The following KLHL20 variants were observed in gnomAD, a reference collection of about 807,000 sequenced individuals.
The protein encoded by KLHL20 is kelch like family member 20.
KLHL20 carries 29 observed loss-of-function variants against 69.5 expected under a neutral mutation model. The observed-to-expected ratio is 0.42, with a 90% CI of 0.31 to 0.57. KLHL20 has a LOEUF of 0.57. Ranked by LOEUF, KLHL20 falls within the 20% of genes least tolerant of loss-of-function variation. KLHL20 has a pLI of 0.18. For synonymous variants in KLHL20, 253 were observed against 265.2 expected, an observed-to-expected ratio of 0.95 and a Z score of 0.45; for missense variants, 419 against 776.0, an observed-to-expected ratio of 0.54 and a Z score of 5.47.
chr1:173,763,646 C>G (rs1485431262), intron 7 of KLHL20, among the ~76,000 whole-genome samples: 2 of 152,144 alleles, frequency 1.3e-5, no homozygotes, highest in Non-Finnish European at 1.5e-5. Context: ...CAAGAACACT[C>G]TTTTCAACAA....
intron 3 of KLHL20, among the ~76,000 whole-genome samples, chr1:173,743,476 C>T (rs1178524705): frequency 1.3e-5 from 2 of 151,516 alleles, no homozygotes; most frequent in African/African-American, 2.4e-5. Flanking sequence ...TTCCTTTACT[C>T]CTTTACTTTC....
intron 3 of KLHL20, among the ~76,000 whole-genome samples, chr1:173,749,372 A>G (rs985894852): frequency 4.6e-5 from 7 of 152,216 alleles, no homozygotes; most frequent in Admixed American, 2.6e-4. Context: ...TGAAGAAACT[A>G]AAAGTAAACT....
chr1:173,771,120 C>A (rs1441187642), intron 8 of KLHL20, among the ~76,000 whole-genome samples: 1 of 152,108 alleles, frequency 6.6e-6, no homozygotes, highest in Non-Finnish European at 1.5e-5. Flanking sequence ...GGATTTTATA[C>A]CTTGAGAAAC....
chr1:173,755,992 G>A lies in KLHL20; in HGVS notation c.921G>A (p.Arg307=), dbSNP rs753528569. Reference sequence around the variant, plus strand: ...AACGACCACTAATGCAAGGACCAAGGACGAGACCACGGAAACCTATCCGAT... The same window carrying A: ...AACGACCACTAATGCAAGGACCAAGAACGAGACCACGGAAACCTATCCGAT... ...PQERPLMQGP[R]TRPRKPIRCG... The change falls in exon 6 of 12, where the codon AGG becomes AGA. Residue 307 remains arginine (R), a synonymous_variant. Coordinates refer to ENST00000209884, the MANE Select transcript of KLHL20 (RefSeq NM_014458.4). 3.7e-6 allele frequency: 6 copies of A among 1,614,048 alleles called. No homozygotes were observed. The highest frequency in any genetic ancestry group is 5.1e-6 in the Non-Finnish European group (6 of 1,179,980).
At chr1:173,725,157 G>GA (rs1382506344) in intron 2 of KLHL20, among the ~76,000 whole-genome samples, 1 of 151,798 alleles carries the variant, frequency 6.6e-6, no homozygotes, top group Non-Finnish European at 1.5e-5. Context: ...TAATACATAA[G>GA]AAAAAACAAA....
intron 3 of KLHL20, among the ~76,000 whole-genome samples, chr1:173,743,245 A>G (rs1032483106): frequency 2.6e-5 from 4 of 151,982 alleles, no homozygotes; most frequent in Non-Finnish European, 5.9e-5. Context: ...GAAAAATACT[A>G]TTTAAACTTT....
chr1:173,757,171 C>T lies in KLHL20; in HGVS notation c.1151+12C>T. 2 of 1,588,414 alleles carry T rather than the reference C, an allele frequency of 1.3e-6. No homozygotes were observed. Among genetic ancestry groups the T allele is most frequent in the Non-Finnish European group, 8.6e-7 (1 of 1,163,368 alleles). ...AATAGTGTTGAAAGGTGAGTAAGGT[C>T]AATCTGTAATTTTCTCTCTACTATT... On this transcript the variant is annotated intron_variant, in intron 7 of 11. Transcript: ENST00000209884.
At chr1:173,748,286 A>G (rs1673160520) in intron 3 of KLHL20, among the ~76,000 whole-genome samples, 1 of 152,126 alleles carries the variant, frequency 6.6e-6, no homozygotes, top group African/African-American at 2.4e-5. Flanking sequence ...GAAGTTACCA[A>G]CTCATTTTAT....
At chr1:173,782,341 A>G (rs1417389769) in intron 11 of KLHL20, 111 bp downstream of exon 11, 1 of 661,138 alleles carries the variant, frequency 1.5e-6, no homozygotes, top group Non-Finnish European at 2.6e-6. Context: ...GAGTACTTTG[A>G]AGAGGGCTGA....
In KLHL20 at chr1:173,755,962, G is replaced by A. The variant is rs16846395; in HGVS notation, c.891G>A (p.Pro297=). The change falls in exon 6 of 12, where the codon CCG becomes CCA. Residue 297 remains proline, a synonymous_variant. Transcript: ENST00000209884. ...VDEAKNYLLL[P]QERPLMQGPR... The stretch of plus-strand genomic sequence containing the variant: ...AGGCTAAAAACTACCTCCTATTGCC[G>A]CAAGAACGACCACTAATGCAAGGAC... 0.015 allele frequency: 24,432 copies of A among 1,613,734 alleles called. 2,830 individuals carry two copies. In the African/African-American group the frequency reaches 0.26, roughly 17 times the overall value.
chr1:173,716,937 A>G (rs946831580), intron 2 of KLHL20, among the ~76,000 whole-genome samples: 1 of 152,128 alleles, frequency 6.6e-6, no homozygotes, highest in Non-Finnish European at 1.5e-5. Flanking sequence ...CCTTCTCTGT[A>G]CCCCAGTTTA....
intron 2 of KLHL20, 97 bp from the exon 3 acceptor site, chr1:173,733,615 AT>A (rs1672385703): frequency 1.8e-6 from 2 of 1,081,360 alleles, no homozygotes; most frequent in East Asian, 4.8e-5. Flanking sequence ...CACCAAGCTA[AT>A]TACATTTCCT....
At chr1:173,768,091 C>T (rs549912933) in intron 8 of KLHL20, among the ~76,000 whole-genome samples, 21 of 152,214 alleles carry the variant, frequency 1.4e-4, no homozygotes, top group African/African-American at 4.6e-4. Context: ...TAATGAATGA[C>T]TCTACTTAGA....
chr1:173,741,488 GTCTT>G (rs1672805680), intron 3 of KLHL20, among the ~76,000 whole-genome samples: 1 of 152,148 alleles, frequency 6.6e-6, no homozygotes, highest in Non-Finnish European at 1.5e-5. Context: ...AGTGAAAAAG[GTCTT>G]TCTAATTGAC....
At chr1:173,736,241 A>C (rs1246518105) in intron 3 of KLHL20, among the ~76,000 whole-genome samples, 1 of 152,000 alleles carries the variant, frequency 6.6e-6, no homozygotes, top group Non-Finnish European at 1.5e-5. Context: ...GGCGTGAGTC[A>C]CTGTTCCTGG....
intron 2 of KLHL20, among the ~76,000 whole-genome samples, chr1:173,732,238 C>G (rs1672319148): frequency 6.6e-6 from 1 of 151,886 alleles, no homozygotes; most frequent in African/African-American, 2.4e-5. Context: ...GCCTTTAATC[C>G]CAGCTACTCA....
chr1:173,721,789 A>AAGTGACAC (rs1671728939), intron 2 of KLHL20, among the ~76,000 whole-genome samples: 1 of 152,236 alleles, frequency 6.6e-6, no homozygotes, highest in Non-Finnish European at 1.5e-5. Context: ...TACTAAGTAG[A>AAGTGACAC]AGTGACACTT....
At chr1:173,734,987 T>C (rs1436832720) in intron 3 of KLHL20, among the ~76,000 whole-genome samples, 1 of 152,148 alleles carries the variant, frequency 6.6e-6, no homozygotes, top group East Asian at 1.9e-4. Flanking sequence ...ACTTTGGTGC[T>C]GGAACAACTT....
intron 2 of KLHL20, among the ~76,000 whole-genome samples, chr1:173,726,725 C>T (rs1248634347): frequency 6.6e-6 from 1 of 152,140 alleles, no homozygotes; most frequent in African/African-American, 2.4e-5. Context: ...ACAGAAAATA[C>T]ATCCACACCA....
Sources: allele counts gnomAD v4.1 joint callset (sites outside exome capture counted in the v4.1 genomes callset), GRCh38; gene constraint gnomAD v4.1.1; transcripts MANE v1.5; gene names NCBI Gene and HGNC (gene_info 2026-07-23, HGNC 2026-07-21).